CORO2B: variants seen among roughly 807,000 people sequenced by gnomAD.
CORO2B encodes coronin 2B.
In CORO2B, 26 loss-of-function variants were observed where a neutral mutation model predicts 58.8. The observed-to-expected ratio is 0.44, with a 90% CI of 0.32 to 0.61. CORO2B has a LOEUF of 0.61. CORO2B is among the 20% of genes least tolerant of loss of function. The probability of loss-of-function intolerance (pLI) is 0.04; values close to 1 mark genes in which losing one functional copy is unlikely to be tolerated. For synonymous variants in CORO2B, 242 were observed against 253.8 expected (o/e 0.95, Z 0.44); for missense variants, 460 against 645.1 (o/e 0.71, Z 3.11).
At chr15:68,604,917 C>A (rs1900069287) in intron 1 of CORO2B, among the ~76,000 whole-genome samples, 1 of 151,928 alleles carries the variant, frequency 6.6e-6, no homozygotes, top group Admixed American at 6.5e-5. Flanking sequence ...AGTTCAAGAC[C>A]AATCTGGCCA....
At chr15:68,607,553 C>G (rs1317101692) in intron 1 of CORO2B, among the ~76,000 whole-genome samples, 1 of 152,120 alleles carries the variant, frequency 6.6e-6, no homozygotes, top group East Asian at 1.9e-4. Flanking sequence ...CACGGTGGCT[C>G]ATGCCTGTGA....
intron 11 of CORO2B, among the ~76,000 whole-genome samples, chr15:68,723,624 T>G (rs1016634824): frequency 2.0e-5 from 3 of 151,680 alleles, no homozygotes; most frequent in Non-Finnish European, 4.4e-5. Context: ...TGGCTAATTT[T>G]TATATTTTTA....
At chr15:68,524,547 C>T in the CORO2B span, among the ~76,000 whole-genome samples, 3,799 of 152,268 alleles carry the variant, frequency 0.025, 82 homozygotes, top group Middle Eastern at 0.078. Context: ...TAAGCATTCC[C>T]TTCTTTGAAC....
At chr15:68,527,499 G>T in the CORO2B span, among the ~76,000 whole-genome samples, 1 of 152,090 alleles carries the variant, frequency 6.6e-6, no homozygotes, top group African/African-American at 2.4e-5. Context: ...GTCTATTTTT[G>T]ATTCTTTATT....
At chr15:68,709,591 G>T (rs1010069775) in intron 3 of CORO2B, among the ~76,000 whole-genome samples, 6 of 151,174 alleles carry the variant, frequency 4.0e-5, no homozygotes, top group Admixed American at 4.0e-4. Context: ...CGAGTAGCTG[G>T]GACTATAAGC....
intron 2 of CORO2B, among the ~76,000 whole-genome samples, chr15:68,684,259 G>T (rs748336932): frequency 6.6e-6 from 1 of 152,166 alleles, no homozygotes; most frequent in Non-Finnish European, 1.5e-5. Context: ...TCTCTAAAAG[G>T]CTCCTGTCAA....
At chr15:68,686,098 C>T (rs12915890) in intron 2 of CORO2B, among the ~76,000 whole-genome samples, 28,494 of 143,040 alleles carry the variant, frequency 0.2, 3,226 homozygotes, top group Middle Eastern at 0.27. Context: ...AGTGCAATGG[C>T]GCAACCTTGG....
chr15:68,593,187 C>T (rs1205947712), intron 1 of CORO2B, among the ~76,000 whole-genome samples: 1 of 152,164 alleles, frequency 6.6e-6, no homozygotes, highest in Admixed American at 6.5e-5. Flanking sequence ...CTTAAAGGCC[C>T]CATCTCTTAA....
the CORO2B span, among the ~76,000 whole-genome samples, chr15:68,555,020 C>T: frequency 6.6e-6 from 1 of 152,214 alleles, no homozygotes; most frequent in East Asian, 1.9e-4. Flanking sequence ...TACCACATGG[C>T]TGGGGCTGGG....
upstream of CORO2B, among the ~76,000 whole-genome samples, chr15:68,575,952 A>G (rs956313891): frequency 3.3e-5 from 5 of 151,484 alleles, no homozygotes; most frequent in African/African-American, 7.3e-5. Flanking sequence ...CAGGAGTTCG[A>G]GACCAGCCTG....
chr15:68,637,615 T>C (rs1901072006), intron 1 of CORO2B, among the ~76,000 whole-genome samples: 1 of 152,152 alleles, frequency 6.6e-6, no homozygotes, highest in African/African-American at 2.4e-5. Context: ...GTCACATAGC[T>C]AGAGACCAAA....
chr15:68,641,526 A>G, intron 1 of CORO2B: 1 of 985,318 alleles, frequency 1.0e-6, no homozygotes, highest in Non-Finnish European at 1.2e-6. Context: ...GAAGAGGTGA[A>G]GTCAGATGGG....
chr15:68,717,000 TGTTA>T (rs1893046828), intron 8 of CORO2B, among the ~76,000 whole-genome samples: 2 of 152,026 alleles, frequency 1.3e-5, no homozygotes, highest in Admixed American at 6.6e-5. Flanking sequence ...GGATCCGAAA[TGTTA>T]GTTAAGATTG....
chr15:68,532,031 T>C, the CORO2B span, among the ~76,000 whole-genome samples: 5 of 152,240 alleles, frequency 3.3e-5, no homozygotes, highest in African/African-American at 1.2e-4. Context: ...AAGTCTGTGG[T>C]ATTTTAATCT....
the CORO2B span, among the ~76,000 whole-genome samples, chr15:68,528,198 T>A: frequency 6.6e-6 from 1 of 152,138 alleles, no homozygotes; most frequent in Non-Finnish European, 1.5e-5. Flanking sequence ...AAAGCAGATA[T>A]TTTGTCTTGT....
chr15:68,552,573 C>T, the CORO2B span, among the ~76,000 whole-genome samples: 9 of 152,176 alleles, frequency 5.9e-5, no homozygotes, highest in South Asian at 2.1e-4. Context: ...TGTGTGCCTA[C>T]GAGTCTCCAG....
At chr15:68,590,441 A>G (rs1899675951) in intron 1 of CORO2B, among the ~76,000 whole-genome samples, 1 of 152,076 alleles carries the variant, frequency 6.6e-6, no homozygotes, top group East Asian at 1.9e-4. Context: ...AGGGGGAGAC[A>G]GCCTCCGAGA....
chr15:68,666,299 C>T (rs1054823328), intron 2 of CORO2B, among the ~76,000 whole-genome samples: 1 of 152,148 alleles, frequency 6.6e-6, no homozygotes, highest in Non-Finnish European at 1.5e-5. Context: ...AAGTGAGGCC[C>T]CAGGCAGCTA....
intron 1 of CORO2B, among the ~76,000 whole-genome samples, chr15:68,612,374 G>A (rs1409659068): frequency 5.3e-5 from 8 of 152,198 alleles, no homozygotes; most frequent in Non-Finnish European, 1.5e-5. Flanking sequence ...ATGTGTGAGA[G>A]GAGGTGTGCG....
Sources: allele counts gnomAD v4.1 joint callset (sites outside exome capture counted in the v4.1 genomes callset), GRCh38; gene constraint gnomAD v4.1.1; transcripts MANE v1.5; gene names NCBI Gene and HGNC (gene_info 2026-07-23, HGNC 2026-07-21).